The following LPP variants were observed in gnomAD, a reference collection of about 807,000 sequenced individuals.
LPP encodes LIM domain containing preferred translocation partner in lipoma.
Under a neutral mutation model 60.4 loss-of-function variants are expected in LPP, and 38 were observed. That is an observed-to-expected ratio of 0.63 (90% CI 0.49 to 0.83). The LOEUF (loss-of-function observed/expected upper bound fraction) is 0.83. Among genes scored for constraint, LPP ranks in the 40% least tolerant of loss-of-function variants. LPP has a pLI of 0.00. For missense variants in LPP, 902 were observed against 783.6 expected (o/e 1.15, Z -1.80); for synonymous variants, 328 against 290.8 (o/e 1.13, Z -1.30).
chr3:188,337,127 G>A (rs1314717901), intron 2 of LPP, among the ~76,000 whole-genome samples: 2 of 152,192 alleles, frequency 1.3e-5, no homozygotes. Context: ...GAGTGGAACA[G>A]TTGCTGGCAG....
At chr3:188,675,736 C>G (rs1020671068) in intron 7 of LPP, among the ~76,000 whole-genome samples, 2 of 152,194 alleles carry the variant, frequency 1.3e-5, no homozygotes, top group Admixed American at 1.3e-4. Context: ...TTCTAAAGTT[C>G]TTAGTGAGCT....
chr3:188,199,384 A>G (rs114069485), intron 1 of LPP, among the ~76,000 whole-genome samples: 1 of 152,262 alleles, frequency 6.6e-6, no homozygotes, highest in Non-Finnish European at 1.5e-5. Context: ...AGCATGTGGG[A>G]CGGAAAATTT....
intron 6 of LPP, among the ~76,000 whole-genome samples, chr3:188,566,559 C>T (rs954259501): frequency 6.6e-6 from 1 of 151,764 alleles, no homozygotes; most frequent in African/African-American, 2.4e-5. Flanking sequence ...TCCTTTGATC[C>T]TCCTCCCAAC....
At chr3:188,719,240 C>T (rs1332244231) in intron 8 of LPP, among the ~76,000 whole-genome samples, 3 of 152,182 alleles carry the variant, frequency 2.0e-5, no homozygotes, top group East Asian at 3.8e-4. Context: ...AGGACCATTT[C>T]GTACCACCAC....
chr3:188,724,585 A>G (rs549582082), intron 8 of LPP, among the ~76,000 whole-genome samples: 54 of 152,330 alleles, frequency 3.5e-4, no homozygotes, highest in Admixed American at 9.8e-4. Flanking sequence ...TGCTTAGTCC[A>G]GATAACAAAA....
chr3:188,433,625 A>AGT, intron 4 of LPP, among the ~76,000 whole-genome samples: 1 of 134,076 alleles, frequency 7.5e-6, no homozygotes, highest in Non-Finnish European at 1.6e-5. Context: ...AGAGAGAGAG[A>AGT]GAGGAGAAAG....
At chr3:188,502,565 C>T (rs541514169) in intron 5 of LPP, among the ~76,000 whole-genome samples, 10 of 152,152 alleles carry the variant, frequency 6.6e-5, no homozygotes, top group Middle Eastern at 3.4e-3. Context: ...TCTGCCAACC[C>T]GTCTTTTGAC....
rs1736475894 is a variant in LPP, at chr3:188,772,729, AG to A, written c.1410+12450del. ...AGGATGATCTCGATCTCCTGACTGC[AG>A]GGAGGTCACCTTTAATTCGTCTTTG... On this transcript the variant is annotated intron_variant, in intron 9 of 11. Coordinates refer to ENST00000617246, the MANE Select transcript of LPP (RefSeq NM_001375462.1). 3.3e-5 allele frequency among the ~76,000 whole-genome samples: 5 copies of A among 151,842 alleles called. No homozygotes were observed. The South Asian group carries it at 1.0e-3, about 32-fold the overall frequency.
intron 6 of LPP, among the ~76,000 whole-genome samples, chr3:188,552,181 C>G (rs1828322585): frequency 6.6e-6 from 1 of 152,134 alleles, no homozygotes; most frequent in Non-Finnish European, 1.5e-5. Context: ...TAACTTCTCC[C>G]TGAGAATTAT....
intron 6 of LPP, among the ~76,000 whole-genome samples, chr3:188,575,069 C>T (rs568556869): frequency 8.6e-5 from 13 of 151,988 alleles, no homozygotes; most frequent in African/African-American, 1.9e-4. Context: ...CCTTAATTTG[C>T]GGCCTGAAAA....
intron 6 of LPP, among the ~76,000 whole-genome samples, chr3:188,546,355 T>C (rs1826646452): frequency 6.6e-6 from 1 of 152,164 alleles, no homozygotes; most frequent in African/African-American, 2.4e-5. Flanking sequence ...TGTCTCTGTA[T>C]CTCAGTTAGA....
chr3:188,524,545 T>TAAA, intron 5 of LPP, 120 bp from the exon 6 acceptor site: 1 of 865,974 alleles, frequency 1.2e-6, no homozygotes. Flanking sequence ...AAAGCTTAAT[T>TAAA]AAAAAAAAAA....
chr3:188,181,589 A>T (rs776711521), intron 1 of LPP, among the ~76,000 whole-genome samples: 3 of 152,208 alleles, frequency 2.0e-5, no homozygotes, highest in Non-Finnish European at 4.4e-5. Flanking sequence ...TTAACTATAG[A>T]AAAATTATTT....
chr3:188,558,522 T>G (rs1181393968), intron 6 of LPP, among the ~76,000 whole-genome samples: 1 of 152,062 alleles, frequency 6.6e-6, no homozygotes, highest in African/African-American at 2.4e-5. Context: ...TGGAAAATTG[T>G]GAATTGTAGG....
chr3:188,609,282 C>T lies in LPP; in HGVS notation c.551C>T (p.Pro184Leu). ...AAGAAGTCTACATTGAAACCACAGC[C>T]TGCACCCCAGGCTGGACCCATCCCT... ...ATKKSTLKPQ[P>L]APQAGPIPVA... Residue 184 changes from proline (P) to leucine (L), a missense_variant, in exon 7 of 12, where the codon CCT becomes CTT. Transcript: ENST00000617246. The surrounding 1 kb of genome is among the most constrained non-coding windows in gnomAD (Gnocchi z 6.9). The T allele has an allele frequency of 2.5e-6, 4 of 1,614,118 alleles. No homozygotes were observed. The highest frequency in any genetic ancestry group is 3.4e-6 in the Non-Finnish European group (4 of 1,180,016).
intron 7 of LPP, among the ~76,000 whole-genome samples, chr3:188,676,558 G>A (rs1283208810): frequency 6.6e-6 from 1 of 152,018 alleles, no homozygotes; most frequent in Non-Finnish European, 1.5e-5. Context: ...ACTTGAAAAA[G>A]GTAAAATTCT....
rs554077516 is a variant in LPP, at chr3:188,451,426, A to G, written c.194-33166A>G. ...TGGTGTTGTCAAGGAAGGCCATTTT[A>G]CTGATGTTACTTCAGGGCCCTTCTT... On this transcript the variant is annotated intron_variant, in intron 4 of 11. Coordinates refer to ENST00000617246, the MANE Select transcript of LPP (RefSeq NM_001375462.1). Among the ~76,000 whole-genome samples the G allele has an allele frequency of 3.3e-5, 5 of 152,322 alleles. No individual in the cohort carries two copies. The East Asian group carries it at 9.6e-4, about 29-fold the overall frequency.
intron 8 of LPP, among the ~76,000 whole-genome samples, chr3:188,738,105 G>C (rs373773890): frequency 7.9e-5 from 12 of 152,072 alleles, no homozygotes; most frequent in East Asian, 5.8e-4. Context: ...TATTTGAGTA[G>C]GATATTGGAA....
intron 4 of LPP, among the ~76,000 whole-genome samples, chr3:188,437,924 G>A (rs1792754462): frequency 6.6e-6 from 1 of 152,184 alleles, no homozygotes; most frequent in African/African-American, 2.4e-5. Flanking sequence ...CAGTAAGTGT[G>A]ATAGCTTTGC....
Sources: allele counts gnomAD v4.1 joint callset (sites outside exome capture counted in the v4.1 genomes callset), GRCh38; gene constraint gnomAD v4.1.1; non-coding constraint Gnocchi (gnomAD v3.1); transcripts MANE v1.5; gene names NCBI Gene and HGNC (gene_info 2026-07-23, HGNC 2026-07-21).